The following RBFOX1 variants were observed in gnomAD, a reference collection of about 807,000 sequenced individuals.
The protein encoded by RBFOX1 is RNA binding fox-1 homolog 1, also known as RNA binding protein fox-1 homolog 1.
A neutral mutation model predicts 57.7 loss-of-function variants in RBFOX1; 8 were observed. The ratio of observed to expected loss-of-function variants is 0.14; its 90% CI spans 0.08 to 0.25. The LOEUF (loss-of-function observed/expected upper bound fraction) is 0.25, where lower values mean the gene tolerates loss of function less well. Among genes scored for constraint, RBFOX1 ranks in the 10% least tolerant of loss-of-function variants. The pLI is 1.00. For missense variants in RBFOX1, 611 were observed against 548.5 expected, an observed-to-expected ratio of 1.11 and a Z score of -1.14; for synonymous variants, 326 against 222.4, an observed-to-expected ratio of 1.47 and a Z score of -4.15.
intron 4 of RBFOX1, among the ~76,000 whole-genome samples, chr16:7,506,929 C>G (rs59380821): frequency 0.12 from 18,526 of 152,156 alleles, 1,199 homozygotes; most frequent in East Asian, 0.17. Context: ...TCAGTTTTAT[C>G]CCCACAGTGG....
chr16:6,181,491 T>C (rs2097062242), intron 1 of RBFOX1, among the ~76,000 whole-genome samples: 1 of 152,204 alleles, frequency 6.6e-6, no homozygotes. Flanking sequence ...GAGAGAGGAA[T>C]GTCTGACTTC....
At chr16:5,718,332 C>G (rs572770214) in intron 3 of RBFOX1, among the ~76,000 whole-genome samples, 10 of 152,324 alleles carry the variant, frequency 6.6e-5, no homozygotes, top group African/African-American at 2.4e-4. Flanking sequence ...AGCTGCCCAG[C>G]TGAGCCCAGC....
chr16:7,172,665 G>A (rs1459016966), intron 4 of RBFOX1, among the ~76,000 whole-genome samples: 1 of 152,196 alleles, frequency 6.6e-6, no homozygotes, highest in Non-Finnish European at 1.5e-5. Flanking sequence ...TAGCAACAGA[G>A]GCAGCACAAG....
intron 3 of RBFOX1, among the ~76,000 whole-genome samples, chr16:6,663,472 C>G (rs574825852): frequency 2.6e-5 from 4 of 152,240 alleles, no homozygotes; most frequent in African/African-American, 9.6e-5. Flanking sequence ...GATCTGTGCA[C>G]TTCTGATAGC....
At chr16:6,286,320 A>T (rs972866712) in intron 1 of RBFOX1, among the ~76,000 whole-genome samples, 5 of 152,148 alleles carry the variant, frequency 3.3e-5, no homozygotes, top group African/African-American at 1.2e-4. Flanking sequence ...TGCAGTGTCG[A>T]TAACTTGGGA....
intron 3 of RBFOX1, among the ~76,000 whole-genome samples, chr16:6,907,174 T>A (rs1309801993): frequency 2.6e-5 from 4 of 152,052 alleles, no homozygotes; most frequent in Non-Finnish European, 5.9e-5. Flanking sequence ...GGCAGGGGAG[T>A]ATGTCCTCCT....
chr16:7,000,078 A>AG (rs974540123), intron 3 of RBFOX1, among the ~76,000 whole-genome samples: 3 of 151,560 alleles, frequency 2.0e-5, no homozygotes, highest in African/African-American at 7.3e-5. Context: ...TCAAAGAAAA[A>AG]AAAAAAAAAA....
At chr16:6,163,293 A>T (rs9939030) in intron 1 of RBFOX1, among the ~76,000 whole-genome samples, 28,984 of 152,142 alleles carry the variant, frequency 0.19, 5,607 homozygotes, top group African/African-American at 0.5. Flanking sequence ...CCAGAGAATG[A>T]GTGTCAAGGC....
intron 3 of RBFOX1, among the ~76,000 whole-genome samples, chr16:6,947,092 A>G (rs2079686838): frequency 6.6e-6 from 1 of 152,168 alleles, no homozygotes; most frequent in Non-Finnish European, 1.5e-5. Context: ...AGAATAGTTA[A>G]GAGGATTTAA....
At chr16:7,523,868 A>C (rs2078067781) in intron 5 of RBFOX1, among the ~76,000 whole-genome samples, 1 of 152,182 alleles carries the variant, frequency 6.6e-6, no homozygotes, top group African/African-American at 2.4e-5. Flanking sequence ...AGTTTACTTC[A>C]AATTGTCTCT....
At chr16:5,312,005 G>T (rs1179076379) in intron 1 of RBFOX1, among the ~76,000 whole-genome samples, 1 of 152,190 alleles carries the variant, frequency 6.6e-6, no homozygotes, top group Non-Finnish European at 1.5e-5. Flanking sequence ...ATTAATGCCT[G>T]AATTTCCCAG....
intron 4 of RBFOX1, among the ~76,000 whole-genome samples, chr16:7,190,145 T>C (rs1398700212): frequency 6.6e-6 from 1 of 152,074 alleles, no homozygotes; most frequent in Non-Finnish European, 1.5e-5. Flanking sequence ...CAGATTGTTC[T>C]AGGTCAGGAG....
At chr16:6,804,350 C>T (rs770411144) in intron 3 of RBFOX1, among the ~76,000 whole-genome samples, 1 of 152,150 alleles carries the variant, frequency 6.6e-6, no homozygotes, top group Non-Finnish European at 1.5e-5. Context: ...GATAAGACTT[C>T]TTCCTTCATG....
intron 3 of RBFOX1, among the ~76,000 whole-genome samples, chr16:6,658,716 T>G (rs868466110): frequency 6.6e-6 from 1 of 152,132 alleles, no homozygotes; most frequent in African/African-American, 2.4e-5. Flanking sequence ...ATGGGGAAAT[T>G]CATAATGTGT....
intron 4 of RBFOX1, among the ~76,000 whole-genome samples, chr16:7,134,487 G>C (rs1047939469): frequency 2.6e-5 from 4 of 152,152 alleles, no homozygotes; most frequent in African/African-American, 9.7e-5. Flanking sequence ...ACAGTCATTT[G>C]ATCGTATTGC....
At chr16:6,665,291 T>C (rs1311634712) in intron 3 of RBFOX1, among the ~76,000 whole-genome samples, 1 of 151,446 alleles carries the variant, frequency 6.6e-6, no homozygotes, top group Non-Finnish European at 1.5e-5. Flanking sequence ...TGGGATGGGG[T>C]CCAGCTAAAT....
At chr16:5,372,815 C>T (rs1378343470) in intron 1 of RBFOX1, among the ~76,000 whole-genome samples, 5 of 152,190 alleles carry the variant, frequency 3.3e-5, no homozygotes, top group Non-Finnish European at 7.3e-5. Flanking sequence ...CGCGTTGACC[C>T]GCACAATACC....
At chr16:6,810,600 T>A (rs956314113) in intron 3 of RBFOX1, among the ~76,000 whole-genome samples, 5 of 152,118 alleles carry the variant, frequency 3.3e-5, no homozygotes, top group African/African-American at 1.2e-4. Context: ...TATAAAGAGC[T>A]ATAAAGAACT....
chr16:6,987,353 T>A (rs1274515713), intron 3 of RBFOX1, among the ~76,000 whole-genome samples: 1 of 151,700 alleles, frequency 6.6e-6, no homozygotes, highest in East Asian at 1.9e-4. Context: ...AGAGAATGAG[T>A]AGTTTGCCTA....
Sources: gnomAD v4.1 joint callset for allele counts (sites outside exome capture counted in the v4.1 genomes callset) on GRCh38, gnomAD v4.1.1 for gene constraint, MANE v1.5 for transcripts, NCBI Gene and HGNC (gene_info 2026-07-23, HGNC 2026-07-21) for gene names.